Variants in SDCCAG8 observed in about 807,000 individuals in gnomAD.
SDCCAG8 encodes the protein serologically defined colon cancer antigen 8.
SDCCAG8 carries 74 observed loss-of-function variants against 101.8 expected under a neutral mutation model. The ratio of observed to expected loss-of-function variants is 0.73; its 90% CI spans 0.60 to 0.88. The LOEUF (loss-of-function observed/expected upper bound fraction) is 0.88. Among genes scored for constraint, SDCCAG8 ranks in the 40% least tolerant of loss-of-function variants. The pLI is 0.00. For synonymous variants in SDCCAG8, 281 were observed against 292.9 expected (o/e 0.96, Z 0.41); for missense variants, 787 against 822.6 (o/e 0.96, Z 0.53).
chr1:243,411,469 A>G (rs911772804), intron 13 of SDCCAG8, among the ~76,000 whole-genome samples: 2 of 152,130 alleles, frequency 1.3e-5, no homozygotes, highest in Non-Finnish European at 2.9e-5. Flanking sequence ...AATATCACCA[A>G]TTTCTAACTG....
At chr1:243,459,274 C>G (rs1188132439) in intron 16 of SDCCAG8, among the ~76,000 whole-genome samples, 1 of 152,120 alleles carries the variant, frequency 6.6e-6, no homozygotes, top group African/African-American at 2.4e-5. Context: ...CTGCACAGTC[C>G]TAGGAGGGAA....
intron 13 of SDCCAG8, among the ~76,000 whole-genome samples, chr1:243,391,455 G>A (rs1173011527): frequency 1.3e-5 from 2 of 152,186 alleles, no homozygotes; most frequent in Non-Finnish European, 1.5e-5. Context: ...GAAAATGTTT[G>A]GAAGCAGCTT....
chr1:243,374,721 A>G (rs1258132857), intron 12 of SDCCAG8, among the ~76,000 whole-genome samples: 19 of 152,116 alleles, frequency 1.2e-4, no homozygotes, highest in Non-Finnish European at 1.0e-4. Context: ...AAAAGGGAAT[A>G]AATTGAGAAA....
chr1:243,442,670 G>GT (rs2082623758), intron 16 of SDCCAG8, among the ~76,000 whole-genome samples: 1 of 151,626 alleles, frequency 6.6e-6, no homozygotes, highest in Admixed American at 6.6e-5. Flanking sequence ...GATCTTTCCA[G>GT]TTTTTTCAGA....
chr1:243,267,327 T>TCAC (rs2067697940), intron 1 of SDCCAG8: 1 of 231,918 alleles, frequency 4.3e-6, no homozygotes, highest in Non-Finnish European at 8.6e-6. Flanking sequence ...CTGGGCGTGG[T>TCAC]GGCTTACGCC....
At chr1:243,350,098 C>T (rs960472881) in intron 12 of SDCCAG8, among the ~76,000 whole-genome samples, 13 of 152,164 alleles carry the variant, frequency 8.5e-5, no homozygotes, top group Admixed American at 7.2e-4. Context: ...CAGGAATTAT[C>T]GCCTAAATTC....
rs754951361 is a variant in SDCCAG8, at chr1:243,360,309, C to A, written c.1473+15978C>A. On this transcript the variant is annotated intron_variant, in intron 12 of 17. Transcript: ENST00000366541. ...TACAGGCACCCGCCACTATGCCTGG[C>A]TAATTTTTTTTTATTTGTATTTTTA... Among the ~76,000 whole-genome samples the A allele has an allele frequency of 4.9e-4, 74 of 151,886 alleles. 1 individual carries two copies. The highest frequency in any genetic ancestry group is 1.0e-3 in the Non-Finnish European group (69 of 67,980).
At chr1:243,457,054 C>A (rs72759887) in intron 16 of SDCCAG8, among the ~76,000 whole-genome samples, 15,233 of 152,060 alleles carry the variant, frequency 0.1, 887 homozygotes, top group Non-Finnish European at 0.14. Context: ...GCGGAAGACT[C>A]GTAGGTATTT....
At chr1:243,497,099 C>CATGAT (rs1257638958) in intron 17 of SDCCAG8, among the ~76,000 whole-genome samples, 5 of 152,192 alleles carry the variant, frequency 3.3e-5, no homozygotes, top group Non-Finnish European at 7.3e-5. Flanking sequence ...TGGACGAGAC[C>CATGAT]ATGATCACTG....
chr1:243,414,492 G>A (rs1034831389), intron 13 of SDCCAG8, among the ~76,000 whole-genome samples: 3 of 152,120 alleles, frequency 2.0e-5, no homozygotes, highest in Non-Finnish European at 4.4e-5. Flanking sequence ...ATGGACCCCC[G>A]ATGATTCCAT....
At chr1:243,380,948 G>GTT (rs1010542132) in intron 13 of SDCCAG8, among the ~76,000 whole-genome samples, 1 of 150,038 alleles carries the variant, frequency 6.7e-6, no homozygotes, top group African/African-American at 2.5e-5. Context: ...TGTTTTTTTG[G>GTT]TTTTTTTTTG....
rs77664724 is a variant in SDCCAG8 at position 243,372,348 on chromosome 1, A to C, written c.1474-6373A>C. Among the ~76,000 whole-genome samples the C allele has an allele frequency of 2.0e-3, 307 of 152,214 alleles. 10 individuals carry two copies. The East Asian group carries it at 0.056, about 28-fold the overall frequency. ...TTCTGTTACACAAACAAGTCACCCT[A>C]TATTAAAGATGGCGAAATAATTTTT... On this transcript the variant is annotated intron_variant, in intron 12 of 17. Transcript: ENST00000366541.
intron 15 of SDCCAG8, among the ~76,000 whole-genome samples, chr1:243,425,374 G>A (rs945664048): frequency 1.8e-4 from 27 of 152,212 alleles, no homozygotes; most frequent in Admixed American, 1.1e-3. Flanking sequence ...TGAACTAAAA[G>A]CAAGAGTTTT....
At chr1:243,298,317 C>T (rs1366993935) in intron 6 of SDCCAG8, among the ~76,000 whole-genome samples, 2 of 140,648 alleles carry the variant, frequency 1.4e-5, no homozygotes, top group African/African-American at 5.2e-5. Context: ...TCCCAAAGTG[C>T]CGGGATTACA....
chr1:243,272,087 C>T (rs1045872141), intron 3 of SDCCAG8, among the ~76,000 whole-genome samples: 3 of 152,128 alleles, frequency 2.0e-5, no homozygotes, highest in African/African-American at 7.2e-5. Context: ...TATCTAGGGT[C>T]TATCACATAC....
At chr1:243,285,174 C>T (rs1045916568) in intron 4 of SDCCAG8, among the ~76,000 whole-genome samples, 3 of 152,158 alleles carry the variant, frequency 2.0e-5, no homozygotes, top group Non-Finnish European at 2.9e-5. Context: ...CCACCGCGCC[C>T]GGTCTGGAAT....
intron 16 of SDCCAG8, among the ~76,000 whole-genome samples, chr1:243,461,097 C>T (rs1404399515): frequency 6.6e-6 from 1 of 152,160 alleles, no homozygotes; most frequent in Non-Finnish European, 1.5e-5. Context: ...CTTGTCTCTT[C>T]TTCAAGCCAC....
At position 243,493,095 on chromosome 1, in the gene SDCCAG8, A is replaced by G. The variant is rs567613708; in HGVS notation, c.2112+3955A>G. Among the ~76,000 whole-genome samples the G allele has an allele frequency of 1.4e-4, 21 of 152,162 alleles. 1 individual carries two copies. In the South Asian group the frequency reaches 4.2e-3, roughly 30 times the overall value. On this transcript the variant is annotated intron_variant, in intron 17 of 17. Coordinates refer to ENST00000366541, the MANE Select transcript of SDCCAG8 (RefSeq NM_006642.5). ...CTAGATGCAGTTCCCCACACTCTGTATTCCGGGAGGGTCAGGGCCTCCAGA... is the reference window on the plus strand; with the variant it reads ...CTAGATGCAGTTCCCCACACTCTGTGTTCCGGGAGGGTCAGGGCCTCCAGA...
intron 16 of SDCCAG8, among the ~76,000 whole-genome samples, chr1:243,470,234 T>G (rs1660961991): frequency 6.6e-6 from 1 of 152,182 alleles, no homozygotes; most frequent in African/African-American, 2.4e-5. Flanking sequence ...CCGACGGGGC[T>G]GGGGCCTCAG....
Sources: allele counts gnomAD v4.1 joint callset (sites outside exome capture counted in the v4.1 genomes callset), GRCh38; gene constraint gnomAD v4.1.1; transcripts MANE v1.5; gene names NCBI Gene and HGNC (gene_info 2026-07-23, HGNC 2026-07-21).